RGL1: variants seen among roughly 807,000 people sequenced by gnomAD.
The protein encoded by RGL1 is ral guanine nucleotide dissociation stimulator-like 1.
A neutral mutation model predicts 95.2 loss-of-function variants in RGL1; 24 were observed. That is an observed-to-expected ratio of 0.25 (90% confidence interval 0.18 to 0.35). The LOEUF (loss-of-function observed/expected upper bound fraction) is 0.35. RGL1 is among the 10% of genes least tolerant of loss of function. The probability of loss-of-function intolerance (pLI) is 1.00; values close to 1 mark genes in which losing one functional copy is unlikely to be tolerated. For missense variants in RGL1, 715 were observed against 936.3 expected, an observed-to-expected ratio of 0.76 and a Z score of 3.08; for synonymous variants, 329 against 344.9, an observed-to-expected ratio of 0.95 and a Z score of 0.51.
chr1:183,907,215 C>T, intron 14 of RGL1, 114 bp downstream of exon 14: 1 of 671,658 alleles, frequency 1.5e-6, no homozygotes, highest in African/African-American at 1.8e-5. Flanking sequence ...GCACTCCGCT[C>T]ATTTGTTAAG....
At chr1:183,654,756 C>G (rs1464375050) in intron 1 of RGL1, among the ~76,000 whole-genome samples, 1 of 152,164 alleles carries the variant, frequency 6.6e-6, no homozygotes, top group Non-Finnish European at 1.5e-5. Flanking sequence ...GAAAAATGAG[C>G]CTTTGTCCAC....
At chr1:183,723,105 G>T (rs1235395535) in intron 1 of RGL1, among the ~76,000 whole-genome samples, 2 of 152,072 alleles carry the variant, frequency 1.3e-5, no homozygotes, top group African/African-American at 2.4e-5. Flanking sequence ...GTAAAATATT[G>T]TAATGTTTTT....
rs551111289 is a variant in RGL1 at position 183,782,742 on chromosome 1, T to G, written c.133-23633T>G. Among the ~76,000 whole-genome samples, 4 of 152,344 alleles carry G rather than the reference T, an allele frequency of 2.6e-5. No homozygotes were observed. In the South Asian group the frequency reaches 8.3e-4, roughly 32 times the overall value. On this transcript the variant is annotated intron_variant, in intron 2 of 18. Coordinates refer to the RGL1 transcript ENST00000304685. ...TTGGTGAGATTGCTGTCATATTTTC[T>G]AAAGTATCTGGAATTCCTAAGAGGA...
chr1:183,694,992 A>G (rs186713161), intron 1 of RGL1, among the ~76,000 whole-genome samples: 260 of 152,360 alleles, frequency 1.7e-3, no homozygotes, highest in Middle Eastern at 6.8e-3. Context: ...AAGCCTTGAA[A>G]GTGAAAAGCA....
At chr1:183,816,433 A>G (rs978241853) in intron 2 of RGL1, among the ~76,000 whole-genome samples, 2 of 152,200 alleles carry the variant, frequency 1.3e-5, no homozygotes, top group African/African-American at 4.8e-5. Flanking sequence ...AAAATTTCTT[A>G]CTGTGCTACA....
intron 3 of RGL1, among the ~76,000 whole-genome samples, chr1:183,852,043 G>T (rs895078080): frequency 6.6e-6 from 1 of 152,102 alleles, no homozygotes; most frequent in African/African-American, 2.4e-5. Context: ...CTTATCTGTT[G>T]TGAAATTAAC....
rs574512898 is a variant in RGL1, at chr1:183,669,420, ATTAAAGTCC to A, written c.-33+32923_-33+32931del. Among the ~76,000 whole-genome samples, 124 of 152,140 alleles carry A rather than the reference ATTAAAGTCC, an allele frequency of 8.2e-4. 1 individual carries two copies. In the East Asian group the frequency reaches 0.018, roughly 22 times the overall value. ...TTCTTGCATGCTATCTACTTTTTCCATTAAAGTCCTTAGCATAGTCCATAGTCCATAGAA... is the reference window on the plus strand; with the variant it reads ...TTCTTGCATGCTATCTACTTTTTCCATTAGCATAGTCCATAGTCCATAGAA... On this transcript the variant is annotated intron_variant, in intron 1 of 18. Transcript: ENST00000304685.
intron 12 of RGL1, 78 bp from the exon 13 acceptor site, chr1:183,904,772 A>T: frequency 7.0e-7 from 1 of 1,422,028 alleles, no homozygotes; most frequent in Non-Finnish European, 9.5e-7. Context: ...GTATATTTTC[A>T]TGTTGAAAGA....
Position 183,926,326 on chromosome 1 carries a change from G to T in RGL1, c.*34G>T. 1.3e-6 allele frequency: 2 copies of T among 1,564,378 alleles called. No homozygotes were observed. Among genetic ancestry groups the T allele is most frequent in the South Asian group, 1.2e-5 (1 of 85,328 alleles). On this transcript the variant is annotated 3_prime_UTR_variant, in exon 18 of 18. Transcript: ENST00000360851. Reference sequence around the variant, plus strand: ...ACCAGTGGCCCCTTGTTTGCCAAAGGCAGAGTGGGGCTGAGAAACAGGCTG... The same window carrying T: ...ACCAGTGGCCCCTTGTTTGCCAAAGTCAGAGTGGGGCTGAGAAACAGGCTG...
chr1:183,657,606 C>T (rs1651272275), intron 1 of RGL1, among the ~76,000 whole-genome samples: 2 of 151,526 alleles, frequency 1.3e-5, no homozygotes. Flanking sequence ...CATGTCCCTA[C>T]AAAGGACATG....
chr1:183,655,048 C>G (rs1558136155), intron 1 of RGL1, among the ~76,000 whole-genome samples: 1 of 152,320 alleles, frequency 6.6e-6, no homozygotes, highest in Middle Eastern at 3.4e-3. Context: ...CTCCTTTCTT[C>G]TCTTTTCTGT....
chr1:183,858,098 C>T (rs10911452), intron 3 of RGL1, among the ~76,000 whole-genome samples: 33,277 of 151,742 alleles, frequency 0.22, 4,107 homozygotes, highest in Middle Eastern at 0.35. Flanking sequence ...AATTGCCCAG[C>T]AGGTTTTTTT....
chr1:183,785,230 A>G (rs1660098718), intron 2 of RGL1, among the ~76,000 whole-genome samples: 1 of 152,192 alleles, frequency 6.6e-6, no homozygotes. Flanking sequence ...GCCTTAGCCC[A>G]TCTCCCATTG....
At chr1:183,705,839 G>T (rs1005020087) in intron 1 of RGL1, among the ~76,000 whole-genome samples, 1 of 152,186 alleles carries the variant, frequency 6.6e-6, no homozygotes, top group Non-Finnish European at 1.5e-5. Context: ...GGAGTCTGTT[G>T]GGCAGAGTAG....
chr1:183,788,233 C>T (rs1442391294), intron 2 of RGL1, among the ~76,000 whole-genome samples: 1 of 152,166 alleles, frequency 6.6e-6, no homozygotes, highest in Non-Finnish European at 1.5e-5. Flanking sequence ...CTGCAACCAG[C>T]AGCGAAATTC....
intron 1 of RGL1, among the ~76,000 whole-genome samples, chr1:183,659,471 G>A (rs1251684955): frequency 7.2e-5 from 11 of 151,970 alleles, no homozygotes; most frequent in Non-Finnish European, 1.5e-5. Context: ...TGGAAGATGA[G>A]ATGAATGAAA....
chr1:183,833,836 C>T (rs10494569), intron 2 of RGL1, among the ~76,000 whole-genome samples: 13,597 of 152,046 alleles, frequency 0.089, 643 homozygotes, highest in South Asian at 0.11. Flanking sequence ...TATTTTATAT[C>T]GATTCGGTTA....
At chr1:183,915,546 G>A (rs774089142) in intron 15 of RGL1, among the ~76,000 whole-genome samples, 2 of 152,182 alleles carry the variant, frequency 1.3e-5, no homozygotes, top group Non-Finnish European at 2.9e-5. Flanking sequence ...GGCTCTACTA[G>A]CAAATGTGGA....
intron 1 of RGL1, among the ~76,000 whole-genome samples, chr1:183,665,588 A>G (rs960773147): frequency 2.0e-4 from 30 of 152,174 alleles, no homozygotes; most frequent in Non-Finnish European, 1.6e-4. Flanking sequence ...AAGACTGCCT[A>G]TTTATCTTAT....
Sources: allele counts gnomAD v4.1 joint callset (sites outside exome capture counted in the v4.1 genomes callset), GRCh38; gene constraint gnomAD v4.1.1; transcripts MANE v1.5; gene names NCBI Gene and HGNC (gene_info 2026-07-23, HGNC 2026-07-21).